Variants in MS4A8 observed in about 807,000 individuals in gnomAD.
MS4A8 encodes membrane-spanning 4-domains subfamily A member 8.
A neutral mutation model predicts 23.7 loss-of-function variants in MS4A8; 27 were observed. The observed-to-expected ratio is 1.14, with a 90% confidence interval of 0.84 to 1.57. The LOEUF (loss-of-function observed/expected upper bound fraction) is 1.57, where lower values mean the gene tolerates loss of function less well. Among genes scored for constraint, MS4A8 ranks in the 40% most tolerant of loss-of-function variants. The probability of loss-of-function intolerance (pLI) is 0.00; values close to 1 mark genes in which losing one functional copy is unlikely to be tolerated. For missense variants in MS4A8, 301 were observed against 311.4 expected (o/e 0.97, Z 0.25); for synonymous variants, 138 against 126.3 (o/e 1.09, Z -0.62).
chr11:60,711,316 A>G (rs2088298543), intron 5 of MS4A8, among the ~76,000 whole-genome samples: 1 of 152,196 alleles, frequency 6.6e-6, no homozygotes, highest in African/African-American at 2.4e-5. Flanking sequence ...AGATCCTTTT[A>G]TCTTCAAGAG....
At chr11:60,713,855 T>A (rs2088319496) in intron 5 of MS4A8, among the ~76,000 whole-genome samples, 1 of 151,610 alleles carries the variant, frequency 6.6e-6, no homozygotes, top group Non-Finnish European at 1.5e-5. Flanking sequence ...GTGTTTTGTG[T>A]CTCTGGGTAC....
In MS4A8 at chr11:60,708,693, C is replaced by T. The variant is rs1002964494; in HGVS notation, c.446C>T (p.Ser149Phe). Reference sequence around the variant, plus strand: ...TTGAACATCGTCAGTGCAATCTGCTCTGCAGTTGGAGTCATACTCTTCATC... The same window carrying T: ...TTGAACATCGTCAGTGCAATCTGCTTTGCAGTTGGAGTCATACTCTTCATC... ...LGLNIVSAIC[S>F]AVGVILFITD... is the part of the protein sequence containing the mutation. Residue 149 changes from serine to phenylalanine, a missense_variant, in exon 5 of 7, where the codon TCT (serine) becomes TTT (phenylalanine). By Grantham distance (155) the Ser-to-Phe change is radical. Coordinates refer to ENST00000300226, the MANE Select transcript of MS4A8 (RefSeq NM_031457.2). 2 of 1,598,338 alleles carry T rather than the reference C, an allele frequency of 1.3e-6. No homozygotes were observed. Among genetic ancestry groups the T allele is most frequent in the Admixed American group, 1.7e-5 (1 of 57,586 alleles).
At chr11:60,703,781 G>A (rs1221513180) in intron 3 of MS4A8, among the ~76,000 whole-genome samples, 1 of 152,214 alleles carries the variant, frequency 6.6e-6, no homozygotes, top group Non-Finnish European at 1.5e-5. Flanking sequence ...GTTAGCAGAT[G>A]TTTTCCCCTA....
chr11:60,709,010 T>A, intron 5 of MS4A8: 2 of 473,040 alleles, frequency 4.2e-6, no homozygotes. Flanking sequence ...GTGGCAATGT[T>A]GAGAGAATTA....
At chr11:60,712,421 G>A in intron 5 of MS4A8, 1 of 985,334 alleles carries the variant, frequency 1.0e-6, no homozygotes, top group Non-Finnish European at 1.2e-6. Context: ...GAAGAAAAGG[G>A]GCTAAGGAGA....
chr11:60,703,702 G>A (rs746785416), intron 3 of MS4A8, among the ~76,000 whole-genome samples: 14 of 152,200 alleles, frequency 9.2e-5, no homozygotes, highest in Non-Finnish European at 1.9e-4. Context: ...AGCACCACAG[G>A]TTGGATGGCT....
rs778489002 is a variant in MS4A8 at position 60,708,685 on chromosome 11, A to C, written c.438A>C (p.Ala146=). ...GTTTGGGCTTGAACATCGTCAGTGC[A>C]ATCTGCTCTGCAGTTGGAGTCATAC... ...SGSLGLNIVS[A]ICSAVGVILF... The change falls in exon 5 of 7, where the codon GCA becomes GCC. Residue 146 remains alanine (A), a synonymous_variant. Coordinates refer to ENST00000300226, the MANE Select transcript of MS4A8 (RefSeq NM_031457.2). 6 of 1,588,720 alleles carry C rather than the reference A, an allele frequency of 3.8e-6. No homozygotes were observed. The highest frequency in any genetic ancestry group is 5.1e-6 in the Non-Finnish European group (6 of 1,168,916).
intron 2 of MS4A8, chr11:60,703,086 T>G: frequency 4.4e-6 from 1 of 228,406 alleles, no homozygotes; most frequent in Non-Finnish European, 8.4e-6. Context: ...GAATACTTAA[T>G]GCCATGAGGA....
chr11:60,710,977 A>G (rs2088295567), intron 5 of MS4A8, among the ~76,000 whole-genome samples: 1 of 151,946 alleles, frequency 6.6e-6, no homozygotes, highest in Non-Finnish European at 1.5e-5. Context: ...CACCTTCCCA[A>G]TGAGGCCTAC....
At chr11:60,700,229 A>T (rs920708092) in intron 1 of MS4A8, among the ~76,000 whole-genome samples, 7 of 152,208 alleles carry the variant, frequency 4.6e-5, no homozygotes, top group African/African-American at 1.4e-4. Flanking sequence ...AGCCAGTACT[A>T]ACATATGCAA....
chr11:60,714,204 G>A (rs1022908784), intron 5 of MS4A8, among the ~76,000 whole-genome samples: 4 of 149,302 alleles, frequency 2.7e-5, no homozygotes, highest in African/African-American at 7.7e-5. Context: ...GATTACAGGC[G>A]TGAGCCACCG....
chr11:60,714,619 A>G, intron 5 of MS4A8, among the ~76,000 whole-genome samples: 1 of 150,470 alleles, frequency 6.6e-6, no homozygotes, highest in East Asian at 2.0e-4. Flanking sequence ...ATGGCGCTCA[A>G]CTCCTTCTTT....
At chr11:60,705,963 T>C (rs2088252090) in intron 3 of MS4A8, among the ~76,000 whole-genome samples, 2 of 152,170 alleles carry the variant, frequency 1.3e-5, no homozygotes, top group African/African-American at 4.8e-5. Flanking sequence ...TGGGCCACCA[T>C]GTGGTTAAAT....
intron 5 of MS4A8, among the ~76,000 whole-genome samples, chr11:60,709,569 G>A (rs913393049): frequency 7.2e-5 from 11 of 152,154 alleles, no homozygotes; most frequent in Non-Finnish European, 1.0e-4. Flanking sequence ...GGCACATCTC[G>A]ATTTGGGACC....
intron 4 of MS4A8, among the ~76,000 whole-genome samples, chr11:60,707,309 CGAGA>C (rs112128181): frequency 4.5e-4 from 67 of 147,498 alleles, no homozygotes; most frequent in South Asian, 1.3e-3. Flanking sequence ...GTATGGAGAG[CGAGA>C]GAGAGAGAGA....
chr11:60,699,811 G>A (rs2088186100), intron 1 of MS4A8, 36 bp downstream of exon 1: 1 of 152,386 alleles, frequency 6.6e-6, no homozygotes, highest in African/African-American at 2.4e-5. Context: ...GTAACTGGGA[G>A]TTGGTGATAA....
chr11:60,706,003 T>C (rs1031366138), intron 3 of MS4A8, among the ~76,000 whole-genome samples: 2 of 152,122 alleles, frequency 1.3e-5, no homozygotes, highest in Non-Finnish European at 2.9e-5. Flanking sequence ...ACTTCATCTG[T>C]TGGGGGGAGG....
chr11:60,707,730 A>G (rs1317129102), intron 4 of MS4A8, among the ~76,000 whole-genome samples: 1 of 151,536 alleles, frequency 6.6e-6, no homozygotes, highest in East Asian at 1.9e-4. Context: ...ATCCCAAGAC[A>G]CTTGGGCTAA....
At position 60,703,403 on chromosome 11, in the gene MS4A8, C is replaced by T; in HGVS notation, c.245C>T (p.Ala82Val). 1 of 1,601,310 alleles carries T rather than the reference C, an allele frequency of 6.2e-7. No individual in the cohort carries two copies. The highest frequency in any genetic ancestry group is 8.5e-7 in the Non-Finnish European group (1 of 1,174,844). ...LGAIQIIIGLAHIGLGSIMAT... is the reference protein window; with the variant it reads ...LGAIQIIIGLVHIGLGSIMAT... ...GCCATCCAGATCATCATTGGCCTGGCTCACATCGGCCTCGGCTCCATCATG... is the reference window on the plus strand; with the variant it reads ...GCCATCCAGATCATCATTGGCCTGGTTCACATCGGCCTCGGCTCCATCATG... Residue 82 changes from alanine to valine, a missense_variant, in exon 3 of 7, where the codon GCT (alanine) becomes GTT (valine). Coordinates refer to ENST00000300226, the MANE Select transcript of MS4A8 (RefSeq NM_031457.2).
Sources: gnomAD v4.1 joint callset for allele counts (sites outside exome capture counted in the v4.1 genomes callset) on GRCh38, gnomAD v4.1.1 for gene constraint, MANE v1.5 for transcripts, NCBI Gene and HGNC (gene_info 2026-07-23, HGNC 2026-07-21) for gene names.